Variants in DYNC2H1 observed in about 807,000 individuals in gnomAD.
The protein encoded by DYNC2H1 is dynein cytoplasmic 2 heavy chain 1.
In DYNC2H1, 410 loss-of-function variants were observed where a neutral mutation model predicts 570.0. That is an observed-to-expected ratio of 0.72 (90% confidence interval 0.66 to 0.78). The LOEUF is 0.78. Ranked by LOEUF, DYNC2H1 falls within the 30% of genes least tolerant of loss-of-function variation. The pLI, the probability that DYNC2H1 is intolerant of heterozygous loss-of-function variation, is 0.00. For synonymous variants in DYNC2H1, 1,688 were observed against 1,677.6 expected (o/e 1.01, Z -0.15); for missense variants, 4,865 against 5,046.4 (o/e 0.96, Z 1.09).
chr11:103,114,280 G>A, intron 3 of DYNC2H1, 42 bp downstream of exon 3: 2 of 1,503,386 alleles, frequency 1.3e-6, no homozygotes, highest in African/African-American at 1.4e-5. Context: ...CAAAATGATT[G>A]TCTCATTAAT....
chr11:103,299,196 C>T lies in DYNC2H1; in HGVS notation c.11096-3897C>T, dbSNP rs1851886976. ...CAAAAGTTATTTTTGAACTATGCAT[C>T]TTTCCTAGTTTTACAGTTCTGTACC... On this transcript the variant is annotated intron_variant, in intron 75 of 88. Coordinates refer to ENST00000375735, the MANE Select transcript of DYNC2H1 (RefSeq NM_001377.3). This position sits in a 1 kb window ranked among gnomAD's most constrained non-coding sequence, Gnocchi z 4.5. Among the ~76,000 whole-genome samples the T allele has an allele frequency of 6.6e-6, 1 of 152,110 alleles. No homozygotes were observed. Among genetic ancestry groups the T allele is most frequent in the South Asian group, 2.1e-4 (1 of 4,828 alleles).
intron 85 of DYNC2H1, among the ~76,000 whole-genome samples, chr11:103,452,788 A>G (rs1030950392): frequency 2.1e-5 from 3 of 140,950 alleles, no homozygotes; most frequent in African/African-American, 7.7e-5. Context: ...TGTATGTCTC[A>G]TCTCCTCTAA....
At chr11:103,445,903 C>T (rs11225802) in intron 85 of DYNC2H1, among the ~76,000 whole-genome samples, 80,693 of 151,782 alleles carry the variant, frequency 0.53, 22,075 homozygotes, top group African/African-American at 0.67. Flanking sequence ...CCGCCCGCCT[C>T]GGCCTTCCAA....
rs1171535014 is a variant in DYNC2H1 at position 103,461,545 on chromosome 11, A to G, written c.12648+5189A>G. Among the ~76,000 whole-genome samples, 1 of 152,200 alleles carries G rather than the reference A, an allele frequency of 6.6e-6. No homozygotes were observed. Among genetic ancestry groups the G allele is most frequent in the Non-Finnish European group, 1.5e-5 (1 of 68,022 alleles). Reference sequence around the variant, plus strand: ...CAAGCTCCTGTTCAGCCTACATTTTACATCTTCCTCCAAGGCTGAGAGAGG... The same window carrying G: ...CAAGCTCCTGTTCAGCCTACATTTTGCATCTTCCTCCAAGGCTGAGAGAGG... On this transcript the variant is annotated intron_variant, in intron 87 of 88. Coordinates refer to ENST00000375735, the MANE Select transcript of DYNC2H1 (RefSeq NM_001377.3). This position sits in a 1 kb window ranked among gnomAD's most constrained non-coding sequence, Gnocchi z 4.8.
intron 59 of DYNC2H1, among the ~76,000 whole-genome samples, chr11:103,225,188 C>G (rs889613065): frequency 4.6e-5 from 7 of 151,226 alleles, no homozygotes; most frequent in African/African-American, 1.7e-4. Flanking sequence ...AGATTTTCTC[C>G]TACTCTGTGG....
chr11:103,314,718 G>A (rs1202432441), intron 79 of DYNC2H1, among the ~76,000 whole-genome samples: 2 of 151,526 alleles, frequency 1.3e-5, no homozygotes, highest in Non-Finnish European at 2.9e-5. Context: ...TAACACTGGA[G>A]GTAAATGTAG....
At chr11:103,438,003 T>G (rs753583381) in intron 85 of DYNC2H1, among the ~76,000 whole-genome samples, 8 of 152,088 alleles carry the variant, frequency 5.3e-5, no homozygotes, top group Non-Finnish European at 1.0e-4. Context: ...TCGTCAAAAC[T>G]GAACACTTTT....
intron 84 of DYNC2H1, among the ~76,000 whole-genome samples, chr11:103,401,288 C>G (rs184536588): frequency 1.0e-3 from 154 of 152,132 alleles, no homozygotes; most frequent in African/African-American, 3.5e-3. Flanking sequence ...TATAAATGCT[C>G]TTGAGAGTAT....
chr11:103,136,233 TTTA>T (rs1409629562), intron 17 of DYNC2H1, among the ~76,000 whole-genome samples: 1 of 151,176 alleles, frequency 6.6e-6, no homozygotes, highest in African/African-American at 2.4e-5. Flanking sequence ...TTTTATTTAT[TTTA>T]TTATTATTAT....
chr11:103,242,535 A>G (rs1415103867), intron 63 of DYNC2H1, among the ~76,000 whole-genome samples: 1 of 152,226 alleles, frequency 6.6e-6, no homozygotes, highest in African/African-American at 2.4e-5. Context: ...ATAGCACACA[A>G]TTGCATTACA....
intron 88 of DYNC2H1, among the ~76,000 whole-genome samples, chr11:103,469,786 A>G (rs1945314803): frequency 6.6e-6 from 1 of 152,184 alleles, no homozygotes. Context: ...GTTAATTCCT[A>G]TAAGAATTTT....
At chr11:103,428,679 C>T (rs1465586585) in intron 84 of DYNC2H1, among the ~76,000 whole-genome samples, 1 of 152,156 alleles carries the variant, frequency 6.6e-6, no homozygotes, top group Non-Finnish European at 1.5e-5. Context: ...CATCTACTTT[C>T]TGTCTCTGTG....
intron 88 of DYNC2H1, among the ~76,000 whole-genome samples, chr11:103,474,767 A>C (rs1249402836): frequency 6.6e-6 from 1 of 152,180 alleles, no homozygotes; most frequent in African/African-American, 2.4e-5. Flanking sequence ...CTAGATATGT[A>C]TGTTTAGGAA....
intron 83 of DYNC2H1, among the ~76,000 whole-genome samples, chr11:103,394,149 G>C (rs993354712): frequency 5.9e-5 from 9 of 151,982 alleles, no homozygotes; most frequent in African/African-American, 2.2e-4. Flanking sequence ...ACAATTTATT[G>C]GGTATTTATT....
In DYNC2H1 at chr11:103,176,406, A is replaced by T. The variant is rs1258246960; in HGVS notation, c.5846A>T (p.Glu1949Val). 5 of 1,563,310 alleles carry T rather than the reference A, an allele frequency of 3.2e-6. No homozygotes were observed. The highest frequency in any genetic ancestry group is 4.3e-6 in the Non-Finnish European group (5 of 1,159,302). The part of the protein sequence containing the change: ...LSAALKQVFE[E>V]ANYEIIPNQI... ...GCTGCATTAAAGCAGGTCTTTGAAG[A>T]GGCCAATTATGAAATTATACCCAAT... is the stretch of plus-strand genomic sequence containing the variant. Residue 1949 changes from glutamate to valine, a missense_variant, in exon 37 of 89, where the codon GAG becomes GTG. Glu to Val is a moderately radical substitution (Grantham distance 121). Coordinates refer to ENST00000375735, the MANE Select transcript of DYNC2H1 (RefSeq NM_001377.3).
Position 103,289,613 on chromosome 11 carries a change from G to T in DYNC2H1, c.11095+2008G>T, listed in dbSNP as rs550286027. 2.0e-4 allele frequency among the ~76,000 whole-genome samples: 30 copies of T among 152,032 alleles called. No individual in the cohort carries two copies. The highest frequency in any genetic ancestry group is 7.0e-4 in the African/African-American group (29 of 41,466). On this transcript the variant is annotated intron_variant, in intron 75 of 88. Transcript: ENST00000375735. This position sits in a 1 kb window ranked among gnomAD's most constrained non-coding sequence, Gnocchi z 4.2. ...TTGTCTTTAGTAAATATTAAAAAAT[G>T]AGCCAGGCACGGTGGCATGTGCCTG...
intron 17 of DYNC2H1, among the ~76,000 whole-genome samples, chr11:103,136,819 T>A (rs893238941): frequency 1.3e-4 from 20 of 152,346 alleles, no homozygotes; most frequent in Non-Finnish European, 2.5e-4. Context: ...CCACAGTGGT[T>A]GAACTAGTTT....
In DYNC2H1 at chr11:103,399,417, G is replaced by C. The variant is rs1221934350; in HGVS notation, c.12157-246G>C. Among the ~76,000 whole-genome samples, 4 of 150,130 alleles carry C rather than the reference G, an allele frequency of 2.7e-5. No homozygotes were observed. In the East Asian group the frequency reaches 7.8e-4, roughly 29 times the overall value. On this transcript the variant is annotated intron_variant, in intron 83 of 88. Coordinates refer to ENST00000375735, the MANE Select transcript of DYNC2H1 (RefSeq NM_001377.3). The stretch of plus-strand genomic sequence containing the variant: ...ATGCTCCACCTGCGTTGGCCCCCCA[G>C]AGTGCTGGGATTACAGATGGGAGCC...
rs984971023 is a variant in DYNC2H1, at chr11:103,268,266, G to A, written c.10695+8289G>A. ...ACCTTATCAACCCAGGATGTTATCAGTCCTTTAAATTTTTACCAAGCTCTG... is the reference window on the plus strand; with the variant it reads ...ACCTTATCAACCCAGGATGTTATCAATCCTTTAAATTTTTACCAAGCTCTG... On this transcript the variant is annotated intron_variant, in intron 70 of 88. Coordinates refer to ENST00000375735, the MANE Select transcript of DYNC2H1 (RefSeq NM_001377.3). This position sits in a 1 kb window ranked among gnomAD's most constrained non-coding sequence, Gnocchi z 4.6. 1.3e-5 allele frequency among the ~76,000 whole-genome samples: 2 copies of A among 151,916 alleles called. No homozygotes were observed. The highest frequency in any genetic ancestry group is 6.5e-5 in the Admixed American group (1 of 15,268).
Sources: allele counts gnomAD v4.1 joint callset (sites outside exome capture counted in the v4.1 genomes callset), GRCh38; gene constraint gnomAD v4.1.1; non-coding constraint Gnocchi (gnomAD v3.1); transcripts MANE v1.5; gene names NCBI Gene and HGNC (gene_info 2026-07-23, HGNC 2026-07-21).